SYT1: variants seen among roughly 807,000 people sequenced by gnomAD.
SYT1 encodes the protein synaptotagmin 1.
Under a neutral mutation model 44.8 loss-of-function variants are expected in SYT1, and 8 were observed. That is an observed-to-expected ratio of 0.18 (90% CI 0.10 to 0.32). The LOEUF is 0.32. SYT1 is among the 10% of genes least tolerant of loss of function. The pLI is 1.00. For missense variants in SYT1, 286 were observed against 509.3 expected, an observed-to-expected ratio of 0.56 and a Z score of 4.22; for synonymous variants, 154 against 188.8, an observed-to-expected ratio of 0.82 and a Z score of 1.51.
intron 1 of SYT1, among the ~76,000 whole-genome samples, chr12:78,869,779 T>A (rs974210724): frequency 1.3e-5 from 2 of 152,034 alleles, no homozygotes; most frequent in Non-Finnish European, 2.9e-5. Context: ...ATTTTTATAT[T>A]TATTTAAGCC....
chr12:78,955,635 G>A (rs1879169817), intron 1 of SYT1: 1 of 151,960 alleles, frequency 6.6e-6, no homozygotes, highest in South Asian at 2.1e-4. Flanking sequence ...CCCCCCCAAA[G>A]GCCCACCTCT....
At chr12:79,074,784 A>T (rs1876525202) in intron 3 of SYT1, among the ~76,000 whole-genome samples, 1 of 152,058 alleles carries the variant, frequency 6.6e-6, no homozygotes, top group Non-Finnish European at 1.5e-5. Flanking sequence ...GGCTTCATTC[A>T]AGCCCAATTC....
chr12:79,390,183 C>T lies in SYT1; in HGVS notation c.928+36564C>T, dbSNP rs1019506004. 7.2e-5 allele frequency among the ~76,000 whole-genome samples: 11 copies of T among 152,084 alleles called. No homozygotes were observed. In the East Asian group the frequency reaches 7.7e-4, roughly 11 times the overall value. On this transcript the variant is annotated intron_variant, in intron 9 of 10. Transcript: ENST00000261205. ...CTCCTGACCTTGTGATCCGCCCGCC[C>T]CAGCCTCCCAAAGTGCTGGGATTAC...
At chr12:79,291,431 C>T (rs1285754192) in intron 5 of SYT1, among the ~76,000 whole-genome samples, 7 of 152,086 alleles carry the variant, frequency 4.6e-5, no homozygotes, top group South Asian at 2.1e-4. Flanking sequence ...TCTCTAAACA[C>T]GGATTTGCTG....
intron 4 of SYT1, among the ~76,000 whole-genome samples, chr12:79,224,161 C>T (rs149798316): frequency 3.4e-4 from 51 of 152,230 alleles, no homozygotes; most frequent in African/African-American, 1.2e-3. Context: ...TCTTACTCTG[C>T]CTCAGTCCAG....
intron 9 of SYT1, among the ~76,000 whole-genome samples, chr12:79,410,534 C>T (rs957747643): frequency 1.3e-4 from 18 of 134,608 alleles, no homozygotes; most frequent in East Asian, 6.5e-4. Flanking sequence ...AAAAACAGAA[C>T]GACAATAATA....
intron 3 of SYT1, among the ~76,000 whole-genome samples, chr12:79,093,918 A>G (rs1877947523): frequency 6.6e-6 from 1 of 151,696 alleles, no homozygotes; most frequent in South Asian, 2.1e-4. Context: ...GCATTGTACC[A>G]ACATGTTATC....
At chr12:79,219,865 A>G (rs1350874898) in intron 4 of SYT1, among the ~76,000 whole-genome samples, 2 of 152,044 alleles carry the variant, frequency 1.3e-5, no homozygotes, top group Non-Finnish European at 2.9e-5. Flanking sequence ...GTGGTTCCAT[A>G]CAAATTTTTA....
At chr12:79,058,945 G>T (rs1012342403) in intron 3 of SYT1, among the ~76,000 whole-genome samples, 1 of 151,940 alleles carries the variant, frequency 6.6e-6, no homozygotes, top group African/African-American at 2.4e-5. Flanking sequence ...TGTTAATGAG[G>T]TATGTATTAG....
At chr12:78,894,352 T>TTTTTTTTTTTTTTTTTTTTTTC (rs1875236822) in intron 1 of SYT1, among the ~76,000 whole-genome samples, 1 of 129,506 alleles carries the variant, frequency 7.7e-6, no homozygotes, top group African/African-American at 2.9e-5. Context: ...TTTTTTTTTT[T>TTTTTTTTTTTTTTTTTTTTTTC]TTTTTTTTTT....
intron 3 of SYT1, among the ~76,000 whole-genome samples, chr12:79,097,823 G>A (rs1367928542): frequency 1.3e-5 from 2 of 151,964 alleles, no homozygotes; most frequent in Non-Finnish European, 2.9e-5. Flanking sequence ...GGAAAGCCAG[G>A]ACTCCCAAAG....
At chr12:79,211,550 A>C (rs1874452931) in intron 3 of SYT1, among the ~76,000 whole-genome samples, 2 of 151,182 alleles carry the variant, frequency 1.3e-5, no homozygotes, top group Admixed American at 1.3e-4. Context: ...CTAACTCATC[A>C]TCTAGCATTA....
At chr12:78,918,582 G>A (rs1040585062) in intron 1 of SYT1, among the ~76,000 whole-genome samples, 1 of 152,008 alleles carries the variant, frequency 6.6e-6, no homozygotes, top group Non-Finnish European at 1.5e-5. Flanking sequence ...TACTGACAGC[G>A]CTCCTGAGCA....
chr12:79,254,159 TA>T (rs1877386233), intron 4 of SYT1, among the ~76,000 whole-genome samples: 1 of 152,162 alleles, frequency 6.6e-6, no homozygotes, highest in Non-Finnish European at 1.5e-5. Context: ...CTTTCATAGC[TA>T]GAGAGAAGTC....
At chr12:78,977,081 A>G (rs1592625173) in intron 1 of SYT1, among the ~76,000 whole-genome samples, 1 of 152,036 alleles carries the variant, frequency 6.6e-6, no homozygotes, top group Admixed American at 6.6e-5. Context: ...ATTTTAAAAG[A>G]AAGAATGGGG....
chr12:78,894,254 T>C (rs1290257263), intron 1 of SYT1, among the ~76,000 whole-genome samples: 1 of 150,498 alleles, frequency 6.6e-6, no homozygotes, highest in South Asian at 2.1e-4. Context: ...TTACAGTATG[T>C]TTATAGTACT....
At chr12:79,142,082 T>C (rs1368491854) in intron 3 of SYT1, among the ~76,000 whole-genome samples, 1 of 152,218 alleles carries the variant, frequency 6.6e-6, no homozygotes, top group Non-Finnish European at 1.5e-5. Context: ...GTTCCAAGCA[T>C]CATGCAGTAA....
At chr12:78,905,751 A>G (rs1417507430) in intron 1 of SYT1, among the ~76,000 whole-genome samples, 1 of 152,108 alleles carries the variant, frequency 6.6e-6, no homozygotes, top group Non-Finnish European at 1.5e-5. Context: ...TAGGAAAAGT[A>G]AAGATAGAGT....
intron 1 of SYT1, among the ~76,000 whole-genome samples, chr12:78,953,987 A>G (rs998607021): frequency 6.6e-6 from 1 of 152,086 alleles, no homozygotes; most frequent in Non-Finnish European, 1.5e-5. Flanking sequence ...AAGGCAAATT[A>G]TTCAGATTCA....
Sources: gnomAD v4.1 joint callset for allele counts (sites outside exome capture counted in the v4.1 genomes callset) on GRCh38, gnomAD v4.1.1 for gene constraint, MANE v1.5 for transcripts, NCBI Gene and HGNC (gene_info 2026-07-23, HGNC 2026-07-21) for gene names.